Variants in FRMD4A observed in about 807,000 individuals in gnomAD.
FRMD4A encodes the protein FERM domain-containing protein 4A.
In FRMD4A, 29 loss-of-function variants were observed where a neutral mutation model predicts 129.1. The ratio of observed to expected loss-of-function variants is 0.22; its 90% CI spans 0.17 to 0.31. The LOEUF (loss-of-function observed/expected upper bound fraction) is 0.31, where lower values mean the gene tolerates loss of function less well. Ranked by LOEUF, FRMD4A falls within the 10% of genes least tolerant of loss-of-function variation. FRMD4A has a pLI of 1.00. For missense variants in FRMD4A, 1,272 were observed against 1,375.8 expected (o/e 0.92, Z 1.19); for synonymous variants, 634 against 571.6 (o/e 1.11, Z -1.56).
At chr10:13,698,105 ACAGG>A (rs1218736180) in intron 14 of FRMD4A, among the ~76,000 whole-genome samples, 1 of 151,930 alleles carries the variant, frequency 6.6e-6, no homozygotes, top group Non-Finnish European at 1.5e-5. Flanking sequence ...GGAGGGAGAG[ACAGG>A]CAGAGAGAAA....
At chr10:13,828,323 T>G (rs2093734681) in intron 3 of FRMD4A, among the ~76,000 whole-genome samples, 1 of 152,168 alleles carries the variant, frequency 6.6e-6, no homozygotes, top group Non-Finnish European at 1.5e-5. Context: ...CCTCCCACAC[T>G]TTCATGTCAC....
At chr10:14,310,913 C>T (rs1344672019) in intron 2 of FRMD4A, among the ~76,000 whole-genome samples, 1 of 152,162 alleles carries the variant, frequency 6.6e-6, no homozygotes, top group African/African-American at 2.4e-5. Flanking sequence ...CTCTTAAGCT[C>T]GCTCCTTGTG....
intron 2 of FRMD4A, among the ~76,000 whole-genome samples, chr10:14,058,692 A>G (rs1264920868): frequency 3.9e-5 from 6 of 152,166 alleles, no homozygotes. Flanking sequence ...GAAACACTGA[A>G]CACATCCCTG....
chr10:13,733,297 G>C (rs1337738002), intron 12 of FRMD4A, among the ~76,000 whole-genome samples: 1 of 152,236 alleles, frequency 6.6e-6, no homozygotes, highest in Admixed American at 6.5e-5. Context: ...TCTTCTTGTA[G>C]CTAAGGCTTC....
intron 2 of FRMD4A, among the ~76,000 whole-genome samples, chr10:14,212,900 C>A (rs1400919975): frequency 6.6e-6 from 1 of 152,150 alleles, no homozygotes; most frequent in Non-Finnish European, 1.5e-5. Flanking sequence ...GGGTGTGAAG[C>A]CCTCGGAGAA....
At chr10:13,964,015 G>A (rs985527066) in intron 2 of FRMD4A, among the ~76,000 whole-genome samples, 4 of 151,422 alleles carry the variant, frequency 2.6e-5, no homozygotes, top group South Asian at 2.1e-4. Context: ...ACATTCAAGG[G>A]CATTCATGCT....
chr10:13,795,373 G>A (rs902051601), intron 5 of FRMD4A, among the ~76,000 whole-genome samples: 1 of 152,138 alleles, frequency 6.6e-6, no homozygotes, highest in African/African-American at 2.4e-5. Context: ...AATCAAAAAC[G>A]CATTAAGCGC....
At chr10:14,172,428 T>C (rs1246084850) in intron 2 of FRMD4A, among the ~76,000 whole-genome samples, 6 of 152,138 alleles carry the variant, frequency 3.9e-5, no homozygotes, top group Non-Finnish European at 8.8e-5. Context: ...CCCCCGACTA[T>C]AGCATGCCAT....
intron 2 of FRMD4A, among the ~76,000 whole-genome samples, chr10:14,251,805 C>G (rs776017471): frequency 2.6e-5 from 4 of 152,064 alleles, no homozygotes; most frequent in Non-Finnish European, 5.9e-5. Flanking sequence ...CCTCCCTGTC[C>G]CTTCATTTTT....
intron 2 of FRMD4A, among the ~76,000 whole-genome samples, chr10:14,121,750 C>T (rs1189643766): frequency 1.3e-5 from 2 of 152,200 alleles, no homozygotes; most frequent in Admixed American, 6.5e-5. Context: ...TCCAGGGACT[C>T]CTTGCTGAAA....
intron 2 of FRMD4A, among the ~76,000 whole-genome samples, chr10:14,180,640 T>C (rs1260153955): frequency 6.6e-6 from 1 of 152,206 alleles, no homozygotes; most frequent in African/African-American, 2.4e-5. Context: ...GCACCAGGCA[T>C]TGCATTTGTT....
chr10:14,236,057 C>T (rs78025463), intron 2 of FRMD4A, among the ~76,000 whole-genome samples: 1,705 of 152,336 alleles, frequency 0.011, 39 homozygotes, highest in African/African-American at 0.039. Context: ...GCTTCATGCA[C>T]GATCATCTGC....
At chr10:14,089,323 T>G (rs1186052546) in intron 2 of FRMD4A, among the ~76,000 whole-genome samples, 1 of 152,000 alleles carries the variant, frequency 6.6e-6, no homozygotes, top group Non-Finnish European at 1.5e-5. Flanking sequence ...ATTCCTTGTT[T>G]CCCCCGCTGG....
intron 2 of FRMD4A, among the ~76,000 whole-genome samples, chr10:13,909,695 A>G (rs1158804212): frequency 6.6e-6 from 1 of 152,244 alleles, no homozygotes; most frequent in East Asian, 1.9e-4. Flanking sequence ...TCGCAATGCC[A>G]TTTAAAAACT....
At chr10:13,871,089 TC>T (rs1425563369) in intron 2 of FRMD4A, 1 of 159,670 alleles carries the variant, frequency 6.3e-6, no homozygotes. Context: ...ATTATGGGGC[TC>T]CACCAGATGT....
intron 4 of FRMD4A, among the ~76,000 whole-genome samples, chr10:13,809,043 C>T (rs2093403649): frequency 6.6e-6 from 1 of 152,206 alleles, no homozygotes; most frequent in African/African-American, 2.4e-5. Flanking sequence ...GCCAGGAGAA[C>T]TCAGACATGG....
intron 2 of FRMD4A, among the ~76,000 whole-genome samples, chr10:13,996,541 G>A (rs913664511): frequency 1.8e-4 from 27 of 152,216 alleles, no homozygotes; most frequent in African/African-American, 6.5e-4. Flanking sequence ...TTCTCTTTCA[G>A]TGGTATGAAT....
intron 2 of FRMD4A, among the ~76,000 whole-genome samples, chr10:14,249,364 A>C (rs1450031064): frequency 6.6e-6 from 1 of 151,576 alleles, no homozygotes; most frequent in African/African-American, 2.4e-5. Context: ...AAAAAAAAAA[A>C]GAAAGAAACA....
chr10:14,238,254 T>C (rs34706866), intron 2 of FRMD4A, among the ~76,000 whole-genome samples: 1 of 152,218 alleles, frequency 6.6e-6, no homozygotes, highest in Non-Finnish European at 1.5e-5. Context: ...TGTTTCCAAG[T>C]TTCTAGGAGA....
Sources: gnomAD v4.1 joint callset for allele counts (sites outside exome capture counted in the v4.1 genomes callset) on GRCh38, gnomAD v4.1.1 for gene constraint, MANE v1.5 for transcripts, NCBI Gene and HGNC (gene_info 2026-07-23, HGNC 2026-07-21) for gene names.